Variants in VIL1 observed in about 807,000 individuals in gnomAD.
The protein encoded by VIL1 is villin 1.
In VIL1, 86 loss-of-function variants were observed where a neutral mutation model predicts 104.0. That is an observed-to-expected ratio of 0.83 (90% CI 0.69 to 0.99). VIL1 has a LOEUF of 0.99. VIL1 is among the 50% of genes least tolerant of loss of function. VIL1 has a pLI of 0.00. For missense variants in VIL1, 944 were observed against 1,054.1 expected (o/e 0.90, Z 1.45); for synonymous variants, 394 against 412.6 (o/e 0.95, Z 0.55).
chr2:218,429,126 C>A (rs569872854), intron 6 of VIL1, among the ~76,000 whole-genome samples, 159 bp from the exon 7 acceptor site: 1 of 152,298 alleles, frequency 6.6e-6, no homozygotes, highest in Admixed American at 6.6e-5. Context: ...TCCTTACATG[C>A]CTTAAAAGCT....
rs1348308727 is a variant in VIL1, at chr2:218,450,152, T to C, written c.*816T>C. 6.6e-6 allele frequency: 1 copy of C among 152,224 alleles called. No homozygotes were observed. The highest frequency in any genetic ancestry group is 1.5e-5 in the Non-Finnish European group (1 of 68,040). The allele number at this position is 152,224 out of a possible 1,614,324, so 9.4% of individuals were successfully genotyped here. A position where few individuals can be genotyped will look rare whatever the true frequency, so the allele number is the denominator to read the frequency against. On this transcript the variant is annotated 3_prime_UTR_variant, in exon 20 of 20. Coordinates refer to ENST00000248444, the MANE Select transcript of VIL1 (RefSeq NM_007127.3). ...AGTAACAGTGCTGCAAGGAAGTCCA[T>C]GTCAGAAAGCCAACAGAAGGTGATT...
At position 218,450,457 on chromosome 2, in the gene VIL1, T is replaced by C. The variant is rs1357143863; in HGVS notation, c.*1121T>C. On this transcript the variant is annotated 3_prime_UTR_variant, in exon 20 of 20. Coordinates refer to ENST00000248444, the MANE Select transcript of VIL1 (RefSeq NM_007127.3). ...AGAAAAAAAATCATCTCACAAATAA[T>C]GTGGCCACAGCTGCCAGAAAACCTG... is the stretch of plus-strand genomic sequence containing the variant. 3 of 152,598 alleles carry C rather than the reference T, an allele frequency of 2.0e-5. No individual in the cohort carries two copies. The highest frequency in any genetic ancestry group is 7.2e-5 in the African/African-American group (3 of 41,436). The allele number at this position is 152,598 out of a possible 1,614,324, so 9.5% of individuals were successfully genotyped here. A position where few individuals can be genotyped will look rare whatever the true frequency, so the allele number is the denominator to read the frequency against.
chr2:218,447,468 C>T (rs910934209), intron 19 of VIL1, among the ~76,000 whole-genome samples: 2 of 152,084 alleles, frequency 1.3e-5, no homozygotes, highest in East Asian at 3.9e-4. Flanking sequence ...TAGGCGTGCA[C>T]CACCATGCCT....
chr2:218,433,366 C>T (rs1230399286), intron 13 of VIL1, among the ~76,000 whole-genome samples: 5 of 151,356 alleles, frequency 3.3e-5, no homozygotes, highest in African/African-American at 7.3e-5. Context: ...ACCTGGGAGG[C>T]GGAGGTTGCA....
intron 13 of VIL1, among the ~76,000 whole-genome samples, chr2:218,433,776 G>A (rs986268558): frequency 2.6e-5 from 4 of 152,022 alleles, no homozygotes; most frequent in African/African-American, 9.7e-5. Flanking sequence ...ACGTGGTAGT[G>A]CACACTTGTA....
intron 9 of VIL1, 151 bp from the exon 10 acceptor site, chr2:218,430,574 G>T: frequency 1.0e-6 from 1 of 987,326 alleles, no homozygotes; most frequent in Non-Finnish European, 1.4e-6. Context: ...GGTTAGGTTG[G>T]GGATTAGCAT....
At chr2:218,437,956 T>C (rs1689224156) in intron 17 of VIL1, among the ~76,000 whole-genome samples, 1 of 152,174 alleles carries the variant, frequency 6.6e-6, no homozygotes, top group Non-Finnish European at 1.5e-5. Flanking sequence ...TGGCTCTGGG[T>C]GCTCTAAATT....
intron 4 of VIL1, among the ~76,000 whole-genome samples, chr2:218,426,897 T>C (rs1303590196): frequency 6.6e-6 from 1 of 152,160 alleles, no homozygotes; most frequent in Admixed American, 6.5e-5. Context: ...CCACCATGCC[T>C]GGCCAGCACT....
At position 218,453,079 on chromosome 2, in the gene VIL1, G is replaced by C. The variant is rs1299304086; in HGVS notation, c.*3743G>C. The C allele has an allele frequency of 2.6e-5, 4 of 152,172 alleles. No homozygotes were observed. The highest frequency in any genetic ancestry group is 5.9e-5 in the Non-Finnish European group (4 of 68,022). The allele number at this position is 152,172 out of a possible 1,614,324, so 9.4% of individuals were successfully genotyped here. A position where few individuals can be genotyped will look rare whatever the true frequency, so the allele number is the denominator to read the frequency against. On this transcript the variant is annotated 3_prime_UTR_variant, in exon 20 of 20. Coordinates refer to ENST00000248444, the MANE Select transcript of VIL1 (RefSeq NM_007127.3). ...ATATAGGTAGATGGTAGGAGGCAAAGCATTTATCAGTAGTTGAGCAAAACT... is the reference window on the plus strand; with the variant it reads ...ATATAGGTAGATGGTAGGAGGCAAACCATTTATCAGTAGTTGAGCAAAACT...
At position 218,437,249 on chromosome 2, in the gene VIL1, G is replaced by A. The variant is rs750161468; in HGVS notation, c.2097G>A (p.Lys699=). The A allele has an allele frequency of 6.2e-7, 1 of 1,614,220 alleles. No homozygotes were observed. The highest frequency in any genetic ancestry group is 1.1e-5 in the South Asian group (1 of 91,084). ...RDPETPIIVV[K]QGHEPPTFTG... is the part of the protein sequence containing the mutation. ...CTGAGACCCCCATCATTGTGGTGAA[G>A]CAGGGACACGAGCCCCCCACCTTCA... The change falls in exon 17 of 20, where the codon AAG becomes AAA. Residue 699 remains lysine, a synonymous_variant. Transcript: ENST00000248444.
At position 218,437,267 on chromosome 2, in the gene VIL1, C is replaced by A. The variant is rs778325532; in HGVS notation, c.2115C>A (p.Pro705=). 3 of 1,614,208 alleles carry A rather than the reference C, an allele frequency of 1.9e-6. No homozygotes were observed. Among genetic ancestry groups the A allele is most frequent in the South Asian group, 2.2e-5 (2 of 91,082 alleles). ...TGGTGAAGCAGGGACACGAGCCCCC[C>A]ACCTTCACAGGCTGGTTCCTGGCTT... The part of the protein sequence containing the change: ...IIVVKQGHEP[P]TFTGWFLAWD... The change falls in exon 17 of 20, where the codon CCC becomes CCA. Residue 705 remains proline, a synonymous_variant. Transcript: ENST00000248444.
chr2:218,449,374 G>A lies in VIL1; in HGVS notation c.*38G>A, dbSNP rs1451106137. On this transcript the variant is annotated 3_prime_UTR_variant, in exon 20 of 20. Coordinates refer to ENST00000248444, the MANE Select transcript of VIL1 (RefSeq NM_007127.3). ...TGGTTGTAAAGCAGTACCCTACCCT[G>A]ATTGTAGGGTCTCATTTTCTCACCG... 1 of 1,477,782 alleles carries A rather than the reference G, an allele frequency of 6.8e-7. No homozygotes were observed. The highest frequency in any genetic ancestry group is 9.5e-7 in the Non-Finnish European group (1 of 1,057,054). 91.5% of individuals were successfully genotyped at this position (1,477,782 alleles called of 1,614,324 possible).
At chr2:218,424,102 C>T (rs1175396518) in intron 2 of VIL1, among the ~76,000 whole-genome samples, 175 bp from the exon 3 acceptor site, 1 of 152,116 alleles carries the variant, frequency 6.6e-6, no homozygotes, top group Admixed American at 6.6e-5. Context: ...CCTTTCCCTC[C>T]ATTGATTTTC....
Position 218,438,739 on chromosome 2 carries a change from C to A in VIL1, c.2229+13C>A. ...CCAGATCACTGCTGTGAGTCCGGGG[C>A]GGGGTGGCTGGGCCCTGCAGTGGCC... is the stretch of plus-strand genomic sequence containing the variant. On this transcript the variant is annotated intron_variant, in intron 18 of 19. Coordinates refer to ENST00000248444, the MANE Select transcript of VIL1 (RefSeq NM_007127.3). The A allele has an allele frequency of 6.2e-7, 1 of 1,607,464 alleles. No individual in the cohort carries two copies. The highest frequency in any genetic ancestry group is 8.5e-7 in the Non-Finnish European group (1 of 1,178,074).
intron 15 of VIL1, 103 bp from the exon 16 acceptor site, chr2:218,436,379 A>T: frequency 6.9e-7 from 1 of 1,449,534 alleles, no homozygotes; most frequent in Non-Finnish European, 9.3e-7. Context: ...TTTGCTGGAG[A>T]TGACCTTTCT....
At chr2:218,426,164 C>T (rs982540477) in intron 4 of VIL1, among the ~76,000 whole-genome samples, 1 of 152,190 alleles carries the variant, frequency 6.6e-6, no homozygotes, top group Admixed American at 6.5e-5. Context: ...CCTAATCAAG[C>T]CCCCCAACTC....
In VIL1 at chr2:218,429,452, G is replaced by A. The variant is rs1402849002; in HGVS notation, c.735G>A (p.Val245=). The A allele has an allele frequency of 3.1e-6, 5 of 1,613,992 alleles. No homozygotes were observed. The South Asian group carries it at 5.5e-5, about 18-fold the overall frequency. ...ELKAAVPDTV[V]EPALKAALKL... is the part of the protein sequence containing the mutation. Reference sequence around the variant, plus strand: ...AGGCGGCCGTGCCCGACACGGTGGTGGAGCCGGCACTCAAGGCTGCACTCA... The same window carrying A: ...AGGCGGCCGTGCCCGACACGGTGGTAGAGCCGGCACTCAAGGCTGCACTCA... Residue 245 remains valine, a synonymous_variant, in exon 7 of 20, where the codon GTG becomes GTA. Transcript: ENST00000248444.
At chr2:218,427,387 G>A (rs1052454973) in intron 4 of VIL1, among the ~76,000 whole-genome samples, 6 of 149,370 alleles carry the variant, frequency 4.0e-5, no homozygotes, top group African/African-American at 9.9e-5. Context: ...GCAATGGTGC[G>A]ATCTCGGCTC....
chr2:218,431,193 A>G (rs1302876675), intron 10 of VIL1: 3 of 500,770 alleles, frequency 6.0e-6, no homozygotes. Context: ...GAAAAAAAGA[A>G]CTAATAAATT....
Sources: gnomAD v4.1 joint callset for allele counts (sites outside exome capture counted in the v4.1 genomes callset) on GRCh38, gnomAD v4.1.1 for gene constraint, MANE v1.5 for transcripts, NCBI Gene and HGNC (gene_info 2026-07-23, HGNC 2026-07-21) for gene names.